PCNT: variants seen among roughly 807,000 people sequenced by gnomAD.
PCNT encodes kendrin.
Under a neutral mutation model 380.4 loss-of-function variants are expected in PCNT, and 319 were observed. The ratio of observed to expected loss-of-function variants is 0.84; its 90% confidence interval spans 0.77 to 0.92. The LOEUF is 0.92. PCNT is among the 40% of genes least tolerant of loss of function. The probability of loss-of-function intolerance (pLI) is 0.00; values close to 1 mark genes in which losing one functional copy is unlikely to be tolerated. For missense variants in PCNT, 4,400 were observed against 4,255.3 expected (o/e 1.03, Z -0.95); for synonymous variants, 1,845 against 1,735.2 (o/e 1.06, Z -1.57).
chr21:46,330,269 C>T (rs568153025), intron 2 of PCNT, among the ~76,000 whole-genome samples: 12 of 152,164 alleles, frequency 7.9e-5, no homozygotes, highest in African/African-American at 2.9e-4. Context: ...AGGCATGTGC[C>T]ACCATACCTG....
At chr21:46,417,425 C>G (rs1025375061) in intron 30 of PCNT, among the ~76,000 whole-genome samples, 6 of 152,056 alleles carry the variant, frequency 3.9e-5, no homozygotes, top group African/African-American at 1.4e-4. Flanking sequence ...AACTCCTGAC[C>G]TCATGATCCA....
Position 46,427,709 on chromosome 21 carries a change from G to C in PCNT, c.7408G>C (p.Val2470Leu). Residue 2470 changes from valine (V) to leucine (L), a missense_variant, in exon 34 of 47, where the codon GTT (valine) becomes CTT (leucine). Physicochemically the swap from Val to Leu is conservative, Grantham distance 32 (BLOSUM62 1). Transcript: ENST00000359568. ...AFEKEQEMQGVELQPRLSGSD... is the reference protein window; with the variant it reads ...AFEKEQEMQGLELQPRLSGSD... ...TGAAAAAGAGCAGGAGATGCAGGGG[G>C]TTGAGCTGCAGCCCCGACTCAGTGG... The C allele has an allele frequency of 6.2e-7, 1 of 1,613,824 alleles. No individual in the cohort carries two copies. Among genetic ancestry groups the C allele is most frequent in the Non-Finnish European group, 8.5e-7 (1 of 1,179,994 alleles).
At chr21:46,407,938 T>C (rs1404464200) in intron 27 of PCNT, among the ~76,000 whole-genome samples, 2 of 152,226 alleles carry the variant, frequency 1.3e-5, no homozygotes, top group Non-Finnish European at 2.9e-5. Context: ...TTTTTCTAGC[T>C]TTTTCAGATA....
chr21:46,363,345 C>A, intron 13 of PCNT, 135 bp from the exon 14 acceptor site: 1 of 716,742 alleles, frequency 1.4e-6, no homozygotes, highest in Non-Finnish European at 2.5e-6. Context: ...GAGAATCATT[C>A]CTGTTGCTGT....
chr21:46,444,237 A>G (rs1241071242), intron 45 of PCNT, among the ~76,000 whole-genome samples: 1 of 152,166 alleles, frequency 6.6e-6, no homozygotes, highest in Admixed American at 6.5e-5. Context: ...TGAAGAAGGC[A>G]TGTTCCCTGC....
intron 14 of PCNT, among the ~76,000 whole-genome samples, chr21:46,366,116 A>G (rs909974306): frequency 1.3e-5 from 2 of 151,860 alleles, no homozygotes; most frequent in South Asian, 2.1e-4. Flanking sequence ...ATGGGGTTCA[A>G]TTCACTGCCA....
At chr21:46,402,607 TGG>T in intron 27 of PCNT, 124 bp downstream of exon 27, 1 of 984,332 alleles carries the variant, frequency 1.0e-6, no homozygotes. Flanking sequence ...GGCCCCCATG[TGG>T]CAGACAGTGC....
At chr21:46,441,717 C>T (rs1253476067) in intron 43 of PCNT, among the ~76,000 whole-genome samples, 1 of 152,130 alleles carries the variant, frequency 6.6e-6, no homozygotes, top group Non-Finnish European at 1.5e-5. Flanking sequence ...ATGGGGAGAA[C>T]ACCCTGCAGG....
At chr21:46,405,439 T>A (rs1206996965) in intron 27 of PCNT, among the ~76,000 whole-genome samples, 1 of 152,252 alleles carries the variant, frequency 6.6e-6, no homozygotes, top group African/African-American at 2.4e-5. Flanking sequence ...GGCTCACGCC[T>A]GTAATCCCAG....
chr21:46,348,429 C>G (rs1041293922), intron 6 of PCNT: 1 of 170,764 alleles, frequency 5.9e-6, no homozygotes, highest in African/African-American at 2.4e-5. Flanking sequence ...TGTGCAGAGG[C>G]TGGTCTGTTT....
At chr21:46,368,373 G>A (rs547347793) in intron 15 of PCNT, among the ~76,000 whole-genome samples, 40 of 152,162 alleles carry the variant, frequency 2.6e-4, no homozygotes, top group African/African-American at 8.7e-4. Flanking sequence ...ATGTGAACCC[G>A]GGAGGCGGAG....
chr21:46,431,397 T>C (rs2087756757), intron 37 of PCNT, 132 bp from the exon 38 acceptor site: 1 of 1,528,556 alleles, frequency 6.5e-7, no homozygotes, highest in Non-Finnish European at 8.8e-7. Context: ...TGTCCCTACA[T>C]GTGGCTAATA....
chr21:46,431,571 C>A lies in PCNT; in HGVS notation c.8107C>A (p.Arg2703=), dbSNP rs758298374. The change falls in exon 38 of 47, where the codon CGA becomes AGA. Residue 2703 remains arginine, a synonymous_variant. Transcript: ENST00000359568. ...GGAGACACAGCGTGCTCAGAGCAGTCGACTCTGCGTGGCACTGAAACACGA... is the reference window on the plus strand; with the variant it reads ...GGAGACACAGCGTGCTCAGAGCAGTAGACTCTGCGTGGCACTGAAACACGA... ...SLETQRAQSS[R]LCVALKHEQT... 1.9e-6 allele frequency: 3 copies of A among 1,613,908 alleles called. No homozygotes were observed. The highest frequency in any genetic ancestry group is 1.3e-5 in the African/African-American group (1 of 74,934).
chr21:46,399,470 G>C, intron 24 of PCNT, 120 bp from the exon 25 acceptor site: 1 of 727,052 alleles, frequency 1.4e-6, no homozygotes, highest in South Asian at 1.5e-5. Context: ...CTCCCTTTGG[G>C]TCTAGGGGAG....
intron 2 of PCNT, among the ~76,000 whole-genome samples, chr21:46,327,594 G>T (rs1170892467): frequency 6.6e-6 from 1 of 152,168 alleles, no homozygotes; most frequent in Non-Finnish European, 1.5e-5. Flanking sequence ...GTAATTTTGA[G>T]AAGTTTTGGA....
rs760868999 is a variant in PCNT at position 46,416,078 on chromosome 21, A to G, written c.6160A>G (p.Lys2054Glu). The change falls in exon 30 of 47, where the codon AAA becomes GAA. Residue 2054 changes from lysine to glutamate, a missense_variant. Transcript: ENST00000359568. ...SLEDGGKGKEKVLEDCQLPKV... is the reference protein window; with the variant it reads ...SLEDGGKGKEEVLEDCQLPKV... ...TCTGTTTCACCTGCAGGGTAAAGAA[A>G]AAGTACTGGAAGATTGTCAGCTGCC... 3.1e-6 allele frequency: 5 copies of G among 1,614,014 alleles called. No individual in the cohort carries two copies. The African/African-American group carries it at 4.0e-5, about 13-fold the overall frequency.
intron 1 of PCNT, among the ~76,000 whole-genome samples, chr21:46,325,708 G>A (rs1417107863): frequency 1.3e-5 from 2 of 152,302 alleles, no homozygotes; most frequent in East Asian, 3.9e-4. Flanking sequence ...GGGATCGATC[G>A]CATACCTCTT....
In PCNT at chr21:46,402,338, A is replaced by G; in HGVS notation, c.4970A>G (p.Asp1657Gly). ...ALLRRESEVLDLKEQLEKMKG... is the reference protein window; with the variant it reads ...ALLRRESEVLGLKEQLEKMKG... ...CTTTTGTTTTAATGAAAGGTTTTGGACTTAAAAGAACAGCTAGAAAAGATG... is the reference window on the plus strand; with the variant it reads ...CTTTTGTTTTAATGAAAGGTTTTGGGCTTAAAAGAACAGCTAGAAAAGATG... The change falls in exon 27 of 47, where the codon GAC becomes GGC. Residue 1657 changes from aspartate (D) to glycine (G), a missense_variant. Physicochemically the swap from Asp to Gly is moderately conservative, Grantham distance 94. Coordinates refer to ENST00000359568, the MANE Select transcript of PCNT (RefSeq NM_006031.6). 6.3e-7 allele frequency: 1 copy of G among 1,599,708 alleles called. No individual in the cohort carries two copies.
chr21:46,388,844 C>T lies in PCNT; in HGVS notation c.3567C>T (p.Leu1189=). The T allele has an allele frequency of 6.2e-7, 1 of 1,611,444 alleles. No individual in the cohort carries two copies. Among genetic ancestry groups the T allele is most frequent in the Non-Finnish European group, 8.5e-7 (1 of 1,179,914 alleles). Reference sequence around the variant, plus strand: ...GCCGGATCGGGGAGCGCGTGGGGCTCTGCCTGGATGACGCGGGCGCAGGCC... The same window carrying T: ...GCCGGATCGGGGAGCGCGTGGGGCTTTGCCTGGATGACGCGGGCGCAGGCC... The part of the protein sequence containing the change: ...LRSRIGERVG[L]CLDDAGAGLA... Residue 1189 remains leucine (L), a synonymous_variant, in exon 18 of 47, where the codon CTC becomes CTT. Coordinates refer to ENST00000359568, the MANE Select transcript of PCNT (RefSeq NM_006031.6). This position sits in a 1 kb window ranked among gnomAD's most constrained non-coding sequence, Gnocchi z 4.2.
Sources: allele counts gnomAD v4.1 joint callset (sites outside exome capture counted in the v4.1 genomes callset), GRCh38; gene constraint gnomAD v4.1.1; non-coding constraint Gnocchi (gnomAD v3.1); transcripts MANE v1.5; gene names NCBI Gene and HGNC (gene_info 2026-07-23, HGNC 2026-07-21).